The following ERICH6B variants were observed in gnomAD, a reference collection of about 807,000 sequenced individuals.
ERICH6B encodes the protein glutamate rich 6B, also known as glutamate-rich protein 6B.
Under a neutral mutation model 80.0 loss-of-function variants are expected in ERICH6B, and 69 were observed. The observed-to-expected ratio is 0.86, with a 90% CI of 0.71 to 1.05. The LOEUF is 1.05. Ranked by LOEUF, ERICH6B falls within the 50% of genes least tolerant of loss-of-function variation. The pLI is 0.00. For missense variants in ERICH6B, 754 were observed against 796.1 expected, an observed-to-expected ratio of 0.95 and a Z score of 0.64; for synonymous variants, 283 against 291.9, an observed-to-expected ratio of 0.97 and a Z score of 0.31.
At chr13:45,568,259 C>T (rs970400039) in intron 9 of ERICH6B, 56 bp downstream of exon 9, 1 of 1,461,162 alleles carries the variant, frequency 6.8e-7, no homozygotes, top group Non-Finnish European at 9.0e-7. Context: ...TCCCTGCTGC[C>T]ACCTCTGGCA....
chr13:45,559,091 G>A (rs3014916), intron 11 of ERICH6B, among the ~76,000 whole-genome samples: 26,881 of 152,022 alleles, frequency 0.18, 2,817 homozygotes, highest in Middle Eastern at 0.33. Flanking sequence ...GCTTGTTATT[G>A]GTCTGTTCAG....
At chr13:45,606,420 G>A (rs866798417) in intron 2 of ERICH6B, among the ~76,000 whole-genome samples, 18 of 146,518 alleles carry the variant, frequency 1.2e-4, no homozygotes, top group Non-Finnish European at 2.4e-4. Context: ...TATGAGCCAT[G>A]TTTAGGCTGC....
intron 10 of ERICH6B, among the ~76,000 whole-genome samples, chr13:45,563,075 G>A (rs1874757574): frequency 6.6e-6 from 1 of 152,190 alleles, no homozygotes; most frequent in Non-Finnish European, 1.5e-5. Flanking sequence ...CTTCACTGAA[G>A]CCTTCCATGA....
intron 8 of ERICH6B, 39 bp from the exon 9 acceptor site, chr13:45,568,490 A>C: frequency 1.4e-6 from 2 of 1,452,566 alleles, no homozygotes; most frequent in Non-Finnish European, 9.1e-7. Flanking sequence ...CAGAAAATGG[A>C]AATTAATGAT....
intron 6 of ERICH6B, among the ~76,000 whole-genome samples, 167 bp from the exon 7 acceptor site, chr13:45,580,141 T>G (rs1875595837): frequency 6.6e-6 from 1 of 152,190 alleles, no homozygotes; most frequent in Non-Finnish European, 1.5e-5. Flanking sequence ...TCTTCAGCAG[T>G]TGGAGGCCCG....
chr13:45,542,947 C>T (rs903494263), intron 14 of ERICH6B, among the ~76,000 whole-genome samples: 3 of 152,214 alleles, frequency 2.0e-5, no homozygotes, highest in Non-Finnish European at 4.4e-5. Context: ...AGCACACTCC[C>T]TCCTCTCTTC....
At position 45,559,913 on chromosome 13, in the gene ERICH6B, G is replaced by T. The variant is rs188505496; in HGVS notation, c.1407+1456C>A. On this transcript the variant is annotated intron_variant, in intron 11 of 14. Coordinates refer to ENST00000298738, the MANE Select transcript of ERICH6B (RefSeq NM_182542.3). ...CTGTAAATATCTGTTAAGTCCATTT[G>T]TTCCAAGGTATAGTTTAAATCCATT... 2.7e-3 allele frequency among the ~76,000 whole-genome samples: 408 copies of T among 152,260 alleles called. 2 individuals are homozygous for T. The highest frequency in any genetic ancestry group is 9.3e-3 in the African/African-American group (388 of 41,546).
chr13:45,570,409 G>A (rs1875104076), intron 8 of ERICH6B, among the ~76,000 whole-genome samples: 1 of 152,158 alleles, frequency 6.6e-6, no homozygotes, highest in South Asian at 2.1e-4. Flanking sequence ...ACCAGCCTGG[G>A]CAACATAGTG....
intron 3 of ERICH6B, among the ~76,000 whole-genome samples, chr13:45,593,809 A>G (rs979640086): frequency 2.6e-5 from 4 of 152,212 alleles, no homozygotes; most frequent in African/African-American, 9.6e-5. Flanking sequence ...AGCCCAGACA[A>G]TCCCTCAAAA....
intron 2 of ERICH6B, among the ~76,000 whole-genome samples, chr13:45,598,336 A>G (rs1207926780): frequency 6.6e-6 from 1 of 152,194 alleles, no homozygotes; most frequent in Non-Finnish European, 1.5e-5. Flanking sequence ...ATGGCCAGTG[A>G]CTGAATGAAG....
intron 5 of ERICH6B, among the ~76,000 whole-genome samples, chr13:45,585,138 G>A (rs1489068975): frequency 6.6e-6 from 1 of 152,202 alleles, no homozygotes; most frequent in East Asian, 1.9e-4. Flanking sequence ...GAAAACTGGA[G>A]CATTTCAAAG....
chr13:45,613,743 AAC>A (rs1163364192), intron 1 of ERICH6B, among the ~76,000 whole-genome samples: 1 of 152,208 alleles, frequency 6.6e-6, no homozygotes, highest in South Asian at 2.1e-4. Context: ...TTAAATATGA[AAC>A]ACAGAATAAG....
rs370869153 is a variant in ERICH6B, at chr13:45,541,687, G to A, written c.1873-7C>T. On this transcript the variant is annotated splice_region_variant and splice_polypyrimidine_tract_variant and intron_variant, in intron 14 of 14. Transcript: ENST00000298738. ...GCACCTCTGGGATCACAAACTGTGG[G>A]GATTCACAGAGGACTGGGTGAGAAT... 1.1e-4 allele frequency: 175 copies of A among 1,549,860 alleles called. 1 individual carries two copies. In the African/African-American group the frequency reaches 2.1e-3, roughly 19 times the overall value.
chr13:45,559,546 T>A, intron 11 of ERICH6B, among the ~76,000 whole-genome samples: 1 of 152,078 alleles, frequency 6.6e-6, no homozygotes, highest in Non-Finnish European at 1.5e-5. Flanking sequence ...CCACTAACTT[T>A]CCTCTTAGCT....
chr13:45,576,118 A>C (rs902832319), intron 7 of ERICH6B, among the ~76,000 whole-genome samples: 1 of 152,092 alleles, frequency 6.6e-6, no homozygotes, highest in Non-Finnish European at 1.5e-5. Flanking sequence ...CTTCTTCCCA[A>C]TTTTGGCTCC....
At chr13:45,604,293 CCG>C (rs1452029051) in intron 2 of ERICH6B, among the ~76,000 whole-genome samples, 1 of 152,260 alleles carries the variant, frequency 6.6e-6, no homozygotes, top group Non-Finnish European at 1.5e-5. Flanking sequence ...TGACTGCTAG[CCG>C]TTTCCAGTTC....
intron 11 of ERICH6B, among the ~76,000 whole-genome samples, chr13:45,558,528 C>T (rs1367651637): frequency 6.6e-6 from 1 of 152,180 alleles, no homozygotes; most frequent in Admixed American, 6.5e-5. Flanking sequence ...AGAGGGAATG[C>T]TTTCAACCTT....
chr13:45,575,093 C>G (rs1324056714), intron 7 of ERICH6B, among the ~76,000 whole-genome samples, 163 bp from the exon 8 acceptor site: 1 of 152,110 alleles, frequency 6.6e-6, no homozygotes, highest in African/African-American at 2.4e-5. Context: ...ATCACATGAC[C>G]TAAAACTCAA....
intron 7 of ERICH6B, among the ~76,000 whole-genome samples, chr13:45,576,891 G>A (rs924437470): frequency 9.2e-5 from 14 of 152,166 alleles, no homozygotes; most frequent in African/African-American, 3.1e-4. Flanking sequence ...AGTGTAATAA[G>A]CAGTATCATA....
Sources: gnomAD v4.1 joint callset for allele counts (sites outside exome capture counted in the v4.1 genomes callset) on GRCh38, gnomAD v4.1.1 for gene constraint, MANE v1.5 for transcripts, NCBI Gene and HGNC (gene_info 2026-07-23, HGNC 2026-07-21) for gene names.